The following KANSL3 variants were observed in gnomAD, a reference collection of about 807,000 sequenced individuals.
The protein encoded by KANSL3 is KAT8 regulatory NSL complex subunit 3.
Under a neutral mutation model 89.2 loss-of-function variants are expected in KANSL3, and 16 were observed. That is an observed-to-expected ratio of 0.18 (90% CI 0.12 to 0.27). KANSL3 has a LOEUF of 0.27. Ranked by LOEUF, KANSL3 falls within the 10% of genes least tolerant of loss-of-function variation. The pLI is 1.00. For missense variants in KANSL3, 879 were observed against 1,110.6 expected (o/e 0.79, Z 2.96); for synonymous variants, 385 against 419.7 (o/e 0.92, Z 1.01).
chr2:96,617,099 T>C (rs2070295629), intron 5 of KANSL3, among the ~76,000 whole-genome samples: 1 of 152,180 alleles, frequency 6.6e-6, no homozygotes, highest in African/African-American at 2.4e-5. Flanking sequence ...GCCACCACTC[T>C]CTGTCTGCCA....
chr2:96,611,903 A>ATATGTGTGTGTGTGTGTGTGTGTG (rs376030964), intron 9 of KANSL3, among the ~76,000 whole-genome samples: 13 of 113,326 alleles, frequency 1.1e-4, no homozygotes, highest in East Asian at 5.1e-4. Context: ...ATATACCCAT[A>ATATGTGTGTGTGTGTGTGTGTGTG]TGTGTGTGTG....
Position 96,605,514 on chromosome 2 carries a change from A to G in KANSL3, c.1742-3T>C. 1 of 1,612,218 alleles carries G rather than the reference A, an allele frequency of 6.2e-7. No homozygotes were observed. The highest frequency in any genetic ancestry group is 8.5e-7 in the Non-Finnish European group (1 of 1,178,508). ...TGGTGGTTCTGATGAAATGGGAACTAAGACATGGAGCTGAGTTGAGATCCT... is the reference window on the plus strand; with the variant it reads ...TGGTGGTTCTGATGAAATGGGAACTGAGACATGGAGCTGAGTTGAGATCCT... On this transcript the variant is annotated splice_region_variant and splice_polypyrimidine_tract_variant and intron_variant, in intron 14 of 20. Coordinates refer to ENST00000431828, the MANE Select transcript of KANSL3 (RefSeq NM_001115016.3).
chr2:96,635,475 G>A (rs1413742505), intron 2 of KANSL3, among the ~76,000 whole-genome samples: 1 of 152,180 alleles, frequency 6.6e-6, no homozygotes, highest in Non-Finnish European at 1.5e-5. Context: ...GTGGACACAG[G>A]AGTTTTAATG....
At position 96,609,039 on chromosome 2, in the gene KANSL3, C is replaced by A. The variant is rs2068443939; in HGVS notation, c.1409G>T (p.Gly470Val). ...GTGACCCTCAGCACGAGTGAGCACT[C>A]CAGTCAGAAAGTCCACAATCTCATC... ...IQDEIVDFLT[G>V]VLTRAEGHMG... Residue 470 changes from glycine to valine, a missense_variant, in exon 13 of 21, where the codon GGA (glycine) becomes GTA (valine). Around this residue, in one of 6 missense-constraint regions of KANSL3, gnomAD observed 317 missense variants for 311.2 expected, o/e 1.02. Coordinates refer to ENST00000431828, the MANE Select transcript of KANSL3 (RefSeq NM_001115016.3). 3.2e-6 allele frequency: 5 copies of A among 1,562,056 alleles called. No homozygotes were observed. The South Asian group carries it at 5.9e-5, about 18-fold the overall frequency.
Position 96,612,289 on chromosome 2 carries a change from G to A in KANSL3, c.1079C>T (p.Ala360Val). 6.2e-7 allele frequency: 1 copy of A among 1,610,706 alleles called. No individual in the cohort carries two copies. The highest frequency in any genetic ancestry group is 8.5e-7 in the Non-Finnish European group (1 of 1,176,968). The change falls in exon 9 of 21, where the codon GCC becomes GTC. Residue 360 changes from alanine to valine, a missense_variant. By Grantham distance (64) the Ala-to-Val change is moderately conservative. Coordinates refer to ENST00000431828, the MANE Select transcript of KANSL3 (RefSeq NM_001115016.3). ...LIGWNTGALVACHVSVMEYVT... is the reference protein window; with the variant it reads ...LIGWNTGALVVCHVSVMEYVT... Reference sequence around the variant, plus strand: ...AAGATAGAAATTACTTACATGACAGGCCACCAAAGCTCCTGTGTTCCAGCC... The same window carrying A: ...AAGATAGAAATTACTTACATGACAGACCACCAAAGCTCCTGTGTTCCAGCC...
chr2:96,608,845 C>T lies in KANSL3; in HGVS notation c.1584+19G>A, dbSNP rs1014373183. The T allele has an allele frequency of 6.5e-7, 1 of 1,544,280 alleles. No homozygotes were observed. Among genetic ancestry groups the T allele is most frequent in the Admixed American group, 2.0e-5 (1 of 49,750 alleles). On this transcript the variant is annotated intron_variant, in intron 13 of 20. Coordinates refer to ENST00000431828, the MANE Select transcript of KANSL3 (RefSeq NM_001115016.3). ...GTGCTGATTCCCCAGCAAAAGCGCT[C>T]CCTCCCTGCTCACACTACCTCTGAG...
In KANSL3 at chr2:96,610,847, C is replaced by T; in HGVS notation, c.1198G>A (p.Val400Ile). Reference protein sequence around the residue: ...DDPLLDMKTPVLFVIGQNSLQ... With the variant: ...DDPLLDMKTPILFVIGQNSLQ... Reference sequence around the variant, plus strand: ...GAATTCTGACCAATGACAAAGAGGACTGGAGTCTTCATATCCAAGAGGGGA... The same window carrying T: ...GAATTCTGACCAATGACAAAGAGGATTGGAGTCTTCATATCCAAGAGGGGA... Residue 400 changes from valine (V) to isoleucine (I), a missense_variant, in exon 11 of 21, where the codon GTC becomes ATC. By Grantham distance (29) the Val-to-Ile change is conservative. This residue lies in a region of KANSL3 where 198 missense variants were observed against 260.3 expected (regional missense o/e 0.76). Coordinates refer to ENST00000431828, the MANE Select transcript of KANSL3 (RefSeq NM_001115016.3). 1 of 1,614,002 alleles carries T rather than the reference C, an allele frequency of 6.2e-7. No homozygotes were observed. The highest frequency in any genetic ancestry group is 1.7e-5 in the Admixed American group (1 of 60,022).
chr2:96,607,788 T>C (rs898409524), intron 14 of KANSL3, among the ~76,000 whole-genome samples: 8 of 152,218 alleles, frequency 5.3e-5, no homozygotes, highest in African/African-American at 1.9e-4. Flanking sequence ...CAGCCAGCTC[T>C]GGCTGCTGCC....
intron 3 of KANSL3, among the ~76,000 whole-genome samples, chr2:96,624,482 C>T (rs2071916277): frequency 6.6e-6 from 1 of 152,168 alleles, no homozygotes; most frequent in African/African-American, 2.4e-5. Context: ...CCACCCCTCC[C>T]TTCCTCAAAT....
At chr2:96,624,220 C>T (rs2071865421) in intron 3 of KANSL3, among the ~76,000 whole-genome samples, 1 of 152,188 alleles carries the variant, frequency 6.6e-6, no homozygotes. Context: ...CTGTCCATTA[C>T]TTAGATGCAC....
intron 11 of KANSL3, 144 bp downstream of exon 11, chr2:96,610,582 T>G: frequency 1.3e-6 from 1 of 794,292 alleles, no homozygotes. Flanking sequence ...CCCAAAGTCC[T>G]GGGATTACAG....
chr2:96,626,934 A>G (rs555287677), intron 3 of KANSL3, among the ~76,000 whole-genome samples: 17 of 152,246 alleles, frequency 1.1e-4, no homozygotes, highest in Non-Finnish European at 1.3e-4. Context: ...AGCCATGGAT[A>G]ATACCTAATG....
At chr2:96,614,341 G>A (rs758264082) in intron 5 of KANSL3, among the ~76,000 whole-genome samples, 13 of 152,188 alleles carry the variant, frequency 8.5e-5, no homozygotes, top group East Asian at 3.9e-4. Context: ...TGATCCACCC[G>A]CCTCAGCCTC....
At chr2:96,618,344 C>G (rs948853898) in intron 5 of KANSL3, among the ~76,000 whole-genome samples, 2 of 152,134 alleles carry the variant, frequency 1.3e-5, no homozygotes, top group Non-Finnish European at 2.9e-5. Flanking sequence ...CGTGTGCCAC[C>G]ATGCCTGGCT....
In KANSL3 at chr2:96,637,136, G is replaced by C. The variant is rs1330719390; in HGVS notation, c.-1C>G. On this transcript the variant is annotated 5_prime_UTR_variant, in exon 2 of 21. Coordinates refer to ENST00000431828, the MANE Select transcript of KANSL3 (RefSeq NM_001115016.3). ...CCCTCTCCCCACCCCGGTGGGCCAT[G>C]TCAGTGGAGGGGCAGAAAGTCAGAG... 3.6e-5 allele frequency: 56 copies of C among 1,548,686 alleles called. No individual in the cohort carries two copies. Among genetic ancestry groups the C allele is most frequent in the Non-Finnish European group, 4.4e-5 (50 of 1,144,796 alleles).
intron 6 of KANSL3, among the ~76,000 whole-genome samples, 172 bp from the exon 7 acceptor site, chr2:96,613,106 T>C (rs2069315360): frequency 6.6e-6 from 1 of 152,212 alleles, no homozygotes; most frequent in Admixed American, 6.5e-5. Context: ...TGGCCAGTCA[T>C]GCTGGCTCAC....
intron 5 of KANSL3, chr2:96,615,620 TA>T: frequency 1.5e-6 from 1 of 661,536 alleles, no homozygotes; most frequent in African/African-American, 1.9e-5. Context: ...AATTGGAGAA[TA>T]AAAAGTACTA....
intron 3 of KANSL3, among the ~76,000 whole-genome samples, chr2:96,621,598 G>C (rs2071287748): frequency 1.3e-5 from 2 of 151,680 alleles, no homozygotes; most frequent in African/African-American, 2.4e-5. Context: ...TGAGGCAGGA[G>C]GAGTCCAGAA....
At chr2:96,631,639 C>T (rs1486955247) in intron 2 of KANSL3, 157 bp from the exon 3 acceptor site, 17 of 828,950 alleles carry the variant, frequency 2.1e-5, no homozygotes, top group Non-Finnish European at 2.4e-5. Flanking sequence ...AGTCATCTTT[C>T]CCACACTTGT....
Sources: allele counts gnomAD v4.1 joint callset (sites outside exome capture counted in the v4.1 genomes callset), GRCh38; gene constraint gnomAD v4.1.1; regional missense constraint gnomAD v4.1.1; transcripts MANE v1.5; gene names NCBI Gene and HGNC (gene_info 2026-07-23, HGNC 2026-07-21).